The following PLCH1 variants were observed in gnomAD, a reference collection of about 807,000 sequenced individuals.
PLCH1 encodes 1-phosphatidylinositol 4,5-bisphosphate phosphodiesterase eta-1.
A neutral mutation model predicts 126.7 loss-of-function variants in PLCH1; 60 were observed. The observed-to-expected ratio is 0.47, with a 90% CI of 0.38 to 0.59. PLCH1 has a LOEUF of 0.59. Ranked by LOEUF, PLCH1 falls within the 20% of genes least tolerant of loss-of-function variation. The probability of loss-of-function intolerance (pLI) is 0.00; values close to 1 mark genes in which losing one functional copy is unlikely to be tolerated. For missense variants in PLCH1, 1,723 were observed against 2,040.0 expected (o/e 0.84, Z 2.99); for synonymous variants, 719 against 734.9 (o/e 0.98, Z 0.35).
chr3:155,521,186 C>A (rs961006275), intron 11 of PLCH1, among the ~76,000 whole-genome samples: 2 of 152,230 alleles, frequency 1.3e-5, no homozygotes, highest in African/African-American at 4.8e-5. Context: ...CACACATGCA[C>A]ACAGACACAC....
intron 1 of PLCH1, among the ~76,000 whole-genome samples, chr3:155,734,927 T>C (rs970272916): frequency 2.0e-5 from 3 of 152,108 alleles, no homozygotes; most frequent in Non-Finnish European, 4.4e-5. Flanking sequence ...GCCAGGATGG[T>C]CTCGATCTCC....
chr3:155,595,606 C>T (rs965946944), intron 3 of PLCH1, among the ~76,000 whole-genome samples: 6 of 152,216 alleles, frequency 3.9e-5, no homozygotes, highest in African/African-American at 7.2e-5. Context: ...CTGAGCTACA[C>T]CAACAGCTTC....
intron 2 of PLCH1, among the ~76,000 whole-genome samples, chr3:155,600,169 A>G (rs974277628): frequency 1.1e-4 from 16 of 152,224 alleles, no homozygotes; most frequent in African/African-American, 3.6e-4. Flanking sequence ...TTGTAATTAC[A>G]AAGCTAACCA....
At chr3:155,491,026 G>A (rs1716094978) in intron 18 of PLCH1, among the ~76,000 whole-genome samples, 158 bp from the exon 19 acceptor site, 1 of 152,202 alleles carries the variant, frequency 6.6e-6, no homozygotes, top group Non-Finnish European at 1.5e-5. Flanking sequence ...GGTGGATTCA[G>A]ATATATGAGA....
chr3:155,488,663 G>A lies in PLCH1; in HGVS notation c.2536C>T (p.Pro846Ser). ...GAAAAGGCCAGCTCATACCTACCAG[G>A]CACTAAGCTGCTGAAGGTCACAGTT... ...QRTVTFSSLV[P>S]GYRHVYLEGL... is the part of the protein sequence containing the mutation. The change falls in exon 20 of 23, where the codon CCT becomes TCT. Residue 846 changes from proline to serine, a missense_variant. Pro to Ser is a moderately conservative substitution (Grantham distance 74). Around this residue, in one of 2 missense-constraint regions of PLCH1, gnomAD observed 776 missense variants for 1,062.9 expected, o/e 0.73. Coordinates refer to ENST00000460012, the MANE Select transcript of PLCH1 (RefSeq NM_014996.4). 1 of 1,611,206 alleles carries A rather than the reference G, an allele frequency of 6.2e-7. No individual in the cohort carries two copies.
chr3:155,564,143 C>T (rs1380242282), intron 8 of PLCH1, among the ~76,000 whole-genome samples: 1 of 152,168 alleles, frequency 6.6e-6, no homozygotes, highest in East Asian at 1.9e-4. Flanking sequence ...ATGTTCATCC[C>T]TTCTACTAGA....
intron 2 of PLCH1, among the ~76,000 whole-genome samples, chr3:155,655,395 C>T (rs1741232443): frequency 6.6e-6 from 1 of 151,312 alleles, no homozygotes; most frequent in South Asian, 2.1e-4. Context: ...TTGCCCACTG[C>T]ACTCTGGCCT....
intron 2 of PLCH1, among the ~76,000 whole-genome samples, chr3:155,615,565 A>G (rs1480394740): frequency 1.3e-5 from 2 of 152,204 alleles, no homozygotes; most frequent in African/African-American, 4.8e-5. Context: ...GTGGATAAAG[A>G]AAATGTAATA....
At position 155,596,217 on chromosome 3, in the gene PLCH1, A is replaced by G; in HGVS notation, c.226+15T>C. ...CTATGTCCAGCCAAGCAAAGAATTC[A>G]AAGATTTGTTTTACTTTTTGCCTTC... On this transcript the variant is annotated intron_variant, in intron 3 of 22. Coordinates refer to ENST00000460012, the MANE Select transcript of PLCH1 (RefSeq NM_014996.4). 6.2e-7 allele frequency: 1 copy of G among 1,607,602 alleles called. No individual in the cohort carries two copies. The highest frequency in any genetic ancestry group is 8.5e-7 in the Non-Finnish European group (1 of 1,174,862).
At chr3:155,667,073 CTTT>C (rs1742812651) in intron 2 of PLCH1, among the ~76,000 whole-genome samples, 1 of 152,144 alleles carries the variant, frequency 6.6e-6, no homozygotes, top group Non-Finnish European at 1.5e-5. Context: ...CCTCACAACT[CTTT>C]GAAGTGCACA....
intron 2 of PLCH1, among the ~76,000 whole-genome samples, chr3:155,678,224 A>T (rs1744244781): frequency 6.6e-6 from 1 of 152,174 alleles, no homozygotes; most frequent in South Asian, 2.1e-4. Flanking sequence ...TTGCTCCTGA[A>T]GCCCCAGGCT....
intron 8 of PLCH1, among the ~76,000 whole-genome samples, chr3:155,554,692 T>C (rs1227325445): frequency 6.6e-6 from 1 of 152,210 alleles, no homozygotes; most frequent in Non-Finnish European, 1.5e-5. Context: ...AATACTACAG[T>C]AGTTATAAAA....
At position 155,568,017 on chromosome 3, in the gene PLCH1, A is replaced by G. The variant is rs578071101; in HGVS notation, c.865+214T>C. ...TACCAGGTAGACTTGCTTGAAGTGG[A>G]AAATGCTTATGGGCATTGCAAAAGT... On this transcript the variant is annotated intron_variant, in intron 7 of 22. Transcript: ENST00000460012. Among the ~76,000 whole-genome samples the G allele has an allele frequency of 2.6e-5, 4 of 152,344 alleles. No homozygotes were observed. The South Asian group carries it at 8.3e-4, about 32-fold the overall frequency.
intron 2 of PLCH1, among the ~76,000 whole-genome samples, chr3:155,599,582 A>G (rs2108670139): frequency 6.6e-6 from 1 of 152,338 alleles, no homozygotes; most frequent in East Asian, 1.9e-4. Flanking sequence ...TTGGCTGGCT[A>G]AAAAATATAA....
rs148006396 is a variant in PLCH1 at position 155,514,860 on chromosome 3, C to T, written c.1495G>A (p.Val499Met). 134 of 1,608,738 alleles carry T rather than the reference C, an allele frequency of 8.3e-5. No individual in the cohort carries two copies. Among genetic ancestry groups the T allele is most frequent in the Non-Finnish European group, 1.1e-4 (127 of 1,177,214 alleles). Residue 499 changes from valine (V) to methionine (M), a missense_variant, in exon 12 of 23, where the codon GTG (valine) becomes ATG (methionine). Transcript: ENST00000460012. ...HYSNGTTEHQ[V>M]ESFIRKKLES... ...AGTTTTTTCCTTATGAAAGATTCCA[C>T]CTGATGCTCAGTGGTCCCATTACTC...
intron 21 of PLCH1, among the ~76,000 whole-genome samples, chr3:155,466,694 G>A (rs1315266459): frequency 6.6e-6 from 1 of 152,226 alleles, no homozygotes; most frequent in Non-Finnish European, 1.5e-5. Flanking sequence ...TGACCTGTCA[G>A]ACAGAGAATT....
At chr3:155,499,250 CT>C (rs1321479806) in intron 14 of PLCH1, among the ~76,000 whole-genome samples, 1 of 152,072 alleles carries the variant, frequency 6.6e-6, no homozygotes, top group Non-Finnish European at 1.5e-5. Context: ...AGATGTTCCC[CT>C]ATAGGAGAAA....
chr3:155,601,126 C>T (rs1275072798), intron 2 of PLCH1, among the ~76,000 whole-genome samples: 1 of 152,126 alleles, frequency 6.6e-6, no homozygotes, highest in East Asian at 1.9e-4. Context: ...AGGCACACGC[C>T]ACCACGCCCG....
intron 2 of PLCH1, among the ~76,000 whole-genome samples, chr3:155,619,277 G>A (rs1736165550): frequency 1.0e-5 from 1 of 96,500 alleles, no homozygotes; most frequent in African/African-American, 6.4e-5. Context: ...CAGTACAGGA[G>A]TAGTGTACAG....
Sources: allele counts gnomAD v4.1 joint callset (sites outside exome capture counted in the v4.1 genomes callset), GRCh38; gene constraint gnomAD v4.1.1; regional missense constraint gnomAD v4.1.1; transcripts MANE v1.5; gene names NCBI Gene and HGNC (gene_info 2026-07-23, HGNC 2026-07-21).